The following SUGCT variants were observed in gnomAD, a reference collection of about 807,000 sequenced individuals.
The protein encoded by SUGCT is succinyl-CoA:glutarate CoA-transferase.
In SUGCT, 41 loss-of-function variants were observed where a neutral mutation model predicts 55.0. That is an observed-to-expected ratio of 0.74 (90% CI 0.58 to 0.97). The LOEUF (loss-of-function observed/expected upper bound fraction) is 0.97, where lower values mean the gene tolerates loss of function less well. Ranked by LOEUF, SUGCT falls within the 50% of genes least tolerant of loss-of-function variation. The pLI is 0.00. For missense variants in SUGCT, 568 were observed against 547.8 expected, an observed-to-expected ratio of 1.04 and a Z score of -0.37; for synonymous variants, 187 against 200.4, an observed-to-expected ratio of 0.93 and a Z score of 0.56.
chr7:40,667,387 G>T (rs1801701952), intron 12 of SUGCT, among the ~76,000 whole-genome samples: 1 of 152,052 alleles, frequency 6.6e-6, no homozygotes, highest in Non-Finnish European at 1.5e-5. Flanking sequence ...TGTTCATCGG[G>T]GTGTTGGCCT....
At chr7:40,845,631 G>T (rs1793515930) in intron 13 of SUGCT, among the ~76,000 whole-genome samples, 1 of 152,126 alleles carries the variant, frequency 6.6e-6, no homozygotes. Context: ...TTCAAATAGG[G>T]GCATAGAGAG....
chr7:40,939,556 T>A, the SUGCT span, among the ~76,000 whole-genome samples: 1 of 152,162 alleles, frequency 6.6e-6, no homozygotes, highest in Non-Finnish European at 1.5e-5. Flanking sequence ...TCTGTTGTTT[T>A]TTGATTTTTT....
intron 13 of SUGCT, chr7:40,808,233 A>T (rs1203576): frequency 0.7 from 106,694 of 152,188 alleles, 39,262 homozygotes; most frequent in African/African-American, 0.92. Context: ...AATTTCAAGG[A>T]TAACCTGAAG....
intron 13 of SUGCT, among the ~76,000 whole-genome samples, chr7:40,768,848 G>A (rs1380868824): frequency 6.6e-6 from 1 of 152,216 alleles, no homozygotes. Flanking sequence ...GAAGGCAGGT[G>A]CACACAGAAG....
At chr7:40,490,025 T>G (rs1323178069) in intron 11 of SUGCT, among the ~76,000 whole-genome samples, 1 of 152,184 alleles carries the variant, frequency 6.6e-6, no homozygotes, top group Non-Finnish European at 1.5e-5. Flanking sequence ...CTATAGCTAT[T>G]GCAGCACTAG....
chr7:40,335,277 C>T (rs1251296703), intron 9 of SUGCT, among the ~76,000 whole-genome samples: 3 of 152,082 alleles, frequency 2.0e-5, no homozygotes, highest in Non-Finnish European at 4.4e-5. Flanking sequence ...TTTTCCAATT[C>T]TGTGAAGAAA....
chr7:40,697,377 G>A (rs1450354302), intron 12 of SUGCT, among the ~76,000 whole-genome samples: 1 of 152,186 alleles, frequency 6.6e-6, no homozygotes, highest in Non-Finnish European at 1.5e-5. Context: ...GCTCATGCCT[G>A]TAATCCCAGC....
chr7:40,547,912 G>C (rs1378234682), intron 12 of SUGCT, among the ~76,000 whole-genome samples: 1 of 152,058 alleles, frequency 6.6e-6, no homozygotes, highest in Non-Finnish European at 1.5e-5. Flanking sequence ...TTTATGCTGA[G>C]ATACAGCTTC....
intron 6 of SUGCT, among the ~76,000 whole-genome samples, chr7:40,205,658 A>G (rs892668974): frequency 2.6e-5 from 4 of 151,796 alleles, no homozygotes; most frequent in East Asian, 1.9e-4. Flanking sequence ...AAAAAAAAAA[A>G]AAAAGAAAAG....
chr7:40,416,675 G>C (rs897887544), intron 9 of SUGCT, among the ~76,000 whole-genome samples: 1 of 151,854 alleles, frequency 6.6e-6, no homozygotes, highest in Non-Finnish European at 1.5e-5. Context: ...TAATTTGATA[G>C]TATTTTATTG....
intron 9 of SUGCT, among the ~76,000 whole-genome samples, chr7:40,346,253 A>G (rs1226035031): frequency 6.6e-6 from 1 of 152,114 alleles, no homozygotes; most frequent in African/African-American, 2.4e-5. Context: ...TTCTAAGTCA[A>G]TTTTATTGAC....
chr7:40,181,211 A>T (rs1785184147), intron 2 of SUGCT, among the ~76,000 whole-genome samples: 1 of 152,164 alleles, frequency 6.6e-6, no homozygotes, highest in Non-Finnish European at 1.5e-5. Context: ...ATATAATCTT[A>T]AAAAACAAAA....
intron 12 of SUGCT, among the ~76,000 whole-genome samples, chr7:40,660,925 C>T (rs114256736): frequency 1.4e-3 from 215 of 152,280 alleles, no homozygotes; most frequent in African/African-American, 5.1e-3. Context: ...CTTGCCACCC[C>T]TGTCCCTTCA....
intron 8 of SUGCT, among the ~76,000 whole-genome samples, chr7:40,279,863 AT>A (rs1246959453): frequency 6.6e-6 from 1 of 152,194 alleles, no homozygotes; most frequent in Non-Finnish European, 1.5e-5. Flanking sequence ...TAAAAAAAGT[AT>A]TCTTTTTAAT....
At chr7:40,436,720 G>A (rs1220830727) in intron 9 of SUGCT, among the ~76,000 whole-genome samples, 5 of 152,104 alleles carry the variant, frequency 3.3e-5, no homozygotes, top group African/African-American at 4.8e-5. Context: ...TATTTCATAC[G>A]CTCAAGGAAT....
chr7:40,248,888 GCACA>G (rs34780979), intron 7 of SUGCT, among the ~76,000 whole-genome samples: 1 of 135,522 alleles, frequency 7.4e-6, no homozygotes, highest in African/African-American at 2.9e-5. Context: ...GCGCGCGCTC[GCACA>G]CACACACACA....
intron 7 of SUGCT, among the ~76,000 whole-genome samples, chr7:40,261,502 A>G (rs1286270879): frequency 6.6e-6 from 1 of 152,214 alleles, no homozygotes; most frequent in Non-Finnish European, 1.5e-5. Flanking sequence ...CTAAGATTCA[A>G]TGAGATAATG....
chr7:40,613,432 G>T (rs1035283161), intron 12 of SUGCT, among the ~76,000 whole-genome samples: 5 of 152,184 alleles, frequency 3.3e-5, no homozygotes, highest in African/African-American at 1.2e-4. Context: ...TCATGACTTT[G>T]TTTTCCCCAA....
At chr7:40,647,612 A>T (rs1410125694) in intron 12 of SUGCT, among the ~76,000 whole-genome samples, 1 of 152,104 alleles carries the variant, frequency 6.6e-6, no homozygotes, top group Admixed American at 6.5e-5. Context: ...GCAGTTTGGG[A>T]GGCCAAGGTG....
Sources: gnomAD v4.1 joint callset for allele counts (sites outside exome capture counted in the v4.1 genomes callset) on GRCh38, gnomAD v4.1.1 for gene constraint, MANE v1.5 for transcripts, NCBI Gene and HGNC (gene_info 2026-07-23, HGNC 2026-07-21) for gene names.